Variants in COL21A1 observed in about 807,000 individuals in gnomAD.
COL21A1 encodes collagen alpha-1(XXI) chain.
Under a neutral mutation model 137.9 loss-of-function variants are expected in COL21A1, and 149 were observed. That is an observed-to-expected ratio of 1.08 (90% CI 0.95 to 1.24). The LOEUF is 1.24. Among genes scored for constraint, COL21A1 ranks in the 50% most tolerant of loss-of-function variants. The pLI is 0.00. For missense variants in COL21A1, 1,167 were observed against 1,158.4 expected, an observed-to-expected ratio of 1.01 and a Z score of -0.11; for synonymous variants, 456 against 391.5, an observed-to-expected ratio of 1.16 and a Z score of -1.95.
At chr6:56,170,626 GGT>G (rs750491495) in intron 5 of COL21A1, 21 bp downstream of exon 5, 14 of 1,497,160 alleles carry the variant, frequency 9.4e-6, no homozygotes, top group Non-Finnish European at 1.1e-5. Flanking sequence ...TCATAATCAT[GGT>G]ATTATCCCAG....
intron 12 of COL21A1, among the ~76,000 whole-genome samples, chr6:56,132,340 T>TA (rs370428710): frequency 2.5e-4 from 38 of 152,056 alleles, no homozygotes; most frequent in African/African-American, 8.7e-4. Flanking sequence ...TAGCAATTTC[T>TA]AAAAAATTGA....
At chr6:56,385,103 G>C (rs1393628081) in intron 1 of COL21A1, among the ~76,000 whole-genome samples, 1 of 152,220 alleles carries the variant, frequency 6.6e-6, no homozygotes, top group Non-Finnish European at 1.5e-5. Flanking sequence ...CCGCCAACAG[G>C]AGTGACGTGT....
chr6:56,164,481 C>A lies in COL21A1; in HGVS notation c.1313G>T (p.Gly438Val). 1 of 1,588,342 alleles carries A rather than the reference C, an allele frequency of 6.3e-7. No individual in the cohort carries two copies. ...GECLNGPSDV[G>V]STPAPCICPP... Reference sequence around the variant, plus strand: ...ACAAATACAGGGAGCTGGAGTTGAACCTACATCACTGGGACCATTAAGGCA... The same window carrying A: ...ACAAATACAGGGAGCTGGAGTTGAAACTACATCACTGGGACCATTAAGGCA... Residue 438 changes from glycine to valine, a missense_variant, in exon 9 of 30, where the codon GGT becomes GTT. Coordinates refer to ENST00000244728, the MANE Select transcript of COL21A1 (RefSeq NM_030820.4).
intron 1 of COL21A1, among the ~76,000 whole-genome samples, chr6:56,334,342 G>A (rs1765293816): frequency 6.6e-6 from 1 of 152,004 alleles, no homozygotes; most frequent in African/African-American, 2.4e-5. Context: ...GTACAATAAT[G>A]ATACTACCTA....
At chr6:56,101,892 T>G (rs140566890) in intron 16 of COL21A1, among the ~76,000 whole-genome samples, 139 of 152,254 alleles carry the variant, frequency 9.1e-4, no homozygotes, top group African/African-American at 3.2e-3. Context: ...GATCACTATG[T>G]TGGACCTAAT....
chr6:56,328,239 T>A (rs1442322980), intron 1 of COL21A1, among the ~76,000 whole-genome samples: 1 of 152,234 alleles, frequency 6.6e-6, no homozygotes, highest in Admixed American at 6.6e-5. Context: ...TTTTAAAATA[T>A]GAGTTCTTTC....
chr6:56,087,644 G>C (rs552651753), intron 17 of COL21A1, among the ~76,000 whole-genome samples: 3 of 152,204 alleles, frequency 2.0e-5, no homozygotes, highest in East Asian at 1.9e-4. Context: ...TCAAGGCTTG[G>C]GAGTTAACAG....
intron 16 of COL21A1, among the ~76,000 whole-genome samples, chr6:56,111,543 C>T (rs1264565330): frequency 6.6e-6 from 1 of 152,022 alleles, no homozygotes; most frequent in Non-Finnish European, 1.5e-5. Flanking sequence ...ATATTTGCAA[C>T]TTTTCTGCAA....
intron 20 of COL21A1, among the ~76,000 whole-genome samples, chr6:56,073,669 T>C (rs1249667449): frequency 6.6e-6 from 1 of 151,458 alleles, no homozygotes; most frequent in Non-Finnish European, 1.5e-5. Context: ...AGCTAGGAAA[T>C]GGTCAAATAA....
chr6:56,390,128 C>T (rs1457119868), intron 1 of COL21A1, among the ~76,000 whole-genome samples: 5 of 151,902 alleles, frequency 3.3e-5, no homozygotes, highest in Admixed American at 6.6e-5. Context: ...CAACTTTTTA[C>T]GAGATAGACA....
At chr6:56,140,165 G>GT (rs1242714147) in intron 12 of COL21A1, among the ~76,000 whole-genome samples, 1 of 151,994 alleles carries the variant, frequency 6.6e-6, no homozygotes, top group East Asian at 1.9e-4. Flanking sequence ...AAATATATTA[G>GT]TTTTTTAATA....
At chr6:56,380,135 G>A (rs544676130) in intron 1 of COL21A1, among the ~76,000 whole-genome samples, 9 of 152,198 alleles carry the variant, frequency 5.9e-5, no homozygotes, top group African/African-American at 1.7e-4. Context: ...TAGTTTACAC[G>A]AGAGCTGGTT....
chr6:56,380,902 A>G (rs2094007650), intron 1 of COL21A1, among the ~76,000 whole-genome samples: 1 of 152,220 alleles, frequency 6.6e-6, no homozygotes, highest in African/African-American at 2.4e-5. Context: ...TATACTAAAA[A>G]ATACATAACA....
intron 1 of COL21A1, among the ~76,000 whole-genome samples, chr6:56,309,697 C>CA (rs1489814862): frequency 6.6e-6 from 1 of 152,148 alleles, no homozygotes; most frequent in African/African-American, 2.4e-5. Context: ...ACAGTTGAGT[C>CA]AAAAAGTCTC....
chr6:56,090,304 T>C (rs537863362), intron 17 of COL21A1, among the ~76,000 whole-genome samples: 9 of 152,278 alleles, frequency 5.9e-5, no homozygotes, highest in African/African-American at 2.2e-4. Context: ...GCTTCTAAAT[T>C]TAAAATCAAC....
intron 9 of COL21A1, 31 bp downstream of exon 9, chr6:56,164,392 T>A: frequency 7.0e-7 from 1 of 1,424,500 alleles, no homozygotes; most frequent in Non-Finnish European, 9.7e-7. Context: ...TTGTGTGTTT[T>A]AACAAAAACA....
At chr6:56,321,149 A>G (rs1440558031) in intron 1 of COL21A1, among the ~76,000 whole-genome samples, 4 of 152,212 alleles carry the variant, frequency 2.6e-5, no homozygotes, top group Non-Finnish European at 5.9e-5. Flanking sequence ...TTGGGAATCA[A>G]TTCCCCATGG....
intron 1 of COL21A1, among the ~76,000 whole-genome samples, chr6:56,195,668 C>A (rs1046126862): frequency 6.6e-6 from 1 of 151,706 alleles, no homozygotes; most frequent in Non-Finnish European, 1.5e-5. Flanking sequence ...TAAAACTTAC[C>A]AAAACTGAAT....
chr6:56,367,115 A>C (rs1302409392), intron 1 of COL21A1, among the ~76,000 whole-genome samples: 1 of 152,196 alleles, frequency 6.6e-6, no homozygotes, highest in Non-Finnish European at 1.5e-5. Context: ...TAGCTTTTCC[A>C]TTTTAGTTAA....
Sources: allele counts gnomAD v4.1 joint callset (sites outside exome capture counted in the v4.1 genomes callset), GRCh38; gene constraint gnomAD v4.1.1; transcripts MANE v1.5; gene names NCBI Gene and HGNC (gene_info 2026-07-23, HGNC 2026-07-21).